The following CAMTA1 variants were observed in gnomAD, a reference collection of about 807,000 sequenced individuals.
CAMTA1 encodes the protein calmodulin-binding transcription activator 1.
In CAMTA1, 27 loss-of-function variants were observed where a neutral mutation model predicts 170.9. The observed-to-expected ratio is 0.16, with a 90% CI of 0.12 to 0.22. The LOEUF is 0.22. Among genes scored for constraint, CAMTA1 ranks in the 10% least tolerant of loss-of-function variants. The pLI, the probability that CAMTA1 is intolerant of heterozygous loss-of-function variation, is 1.00. For missense variants in CAMTA1, 1,619 were observed against 2,217.2 expected, an observed-to-expected ratio of 0.73 and a Z score of 5.42; for synonymous variants, 833 against 891.5, an observed-to-expected ratio of 0.93 and a Z score of 1.17.
intron 3 of CAMTA1, among the ~76,000 whole-genome samples, chr1:6,978,123 A>T (rs1693783273): frequency 6.6e-6 from 1 of 152,218 alleles, no homozygotes; most frequent in Non-Finnish European, 1.5e-5. Flanking sequence ...TAAAAAAAAT[A>T]GTTATAATAG....
At chr1:6,988,704 C>T (rs773393764) in intron 3 of CAMTA1, among the ~76,000 whole-genome samples, 10 of 152,028 alleles carry the variant, frequency 6.6e-5, no homozygotes, top group Admixed American at 2.6e-4. Flanking sequence ...TCCCGTCCAA[C>T]GGGTTGGGCC....
At chr1:6,864,802 C>T (rs1032583039) in intron 3 of CAMTA1, among the ~76,000 whole-genome samples, 3 of 152,090 alleles carry the variant, frequency 2.0e-5, no homozygotes, top group Non-Finnish European at 4.4e-5. Context: ...ACACTGTACC[C>T]CTGATGCTGG....
intron 3 of CAMTA1, among the ~76,000 whole-genome samples, chr1:6,900,159 A>C (rs1450040776): frequency 1.3e-5 from 2 of 152,234 alleles, no homozygotes; most frequent in African/African-American, 4.8e-5. Flanking sequence ...GAGATACTAA[A>C]CATATGCTGC....
rs1352006587 is a variant in CAMTA1, at chr1:6,951,619, G to T, written c.234+126409G>T. On this transcript the variant is annotated intron_variant, in intron 3 of 22. Transcript: ENST00000303635. ...CTCCAGCCCCCACAGACACTCAGGA[G>T]ACCCCAGTCTCCTCCTGGGTTCCAC... Among the ~76,000 whole-genome samples, 6 of 152,194 alleles carry T rather than the reference G, an allele frequency of 3.9e-5. No individual in the cohort carries two copies. The East Asian group carries it at 1.2e-3, about 29-fold the overall frequency.
At chr1:6,888,473 GTC>G (rs1474613820) in intron 3 of CAMTA1, among the ~76,000 whole-genome samples, 11 of 152,198 alleles carry the variant, frequency 7.2e-5, no homozygotes, top group African/African-American at 1.7e-4. Flanking sequence ...CATGAGTCAT[GTC>G]TCTGGAATAC....
chr1:7,440,175 C>T (rs1439496561), intron 5 of CAMTA1, among the ~76,000 whole-genome samples: 1 of 152,268 alleles, frequency 6.6e-6, no homozygotes, highest in Non-Finnish European at 1.5e-5. Flanking sequence ...GTGTCTTGGG[C>T]TCTGTGCCCA....
Position 7,736,946 on chromosome 1 carries a change from T to C in CAMTA1, c.3279T>C (p.Asp1093=). 6.2e-7 allele frequency: 1 copy of C among 1,613,374 alleles called. No individual in the cohort carries two copies. The highest frequency in any genetic ancestry group is 1.1e-5 in the South Asian group (1 of 90,826). ...TLIKWRTKHA[D]SIDLELEVDP... ...TCCCTTATAGTACAAAGCACGCGGA[T>C]AGCATTGACCTGGAACTGGAAGTTG... Residue 1093 remains aspartate, a synonymous_variant, in exon 14 of 23, where the codon GAT becomes GAC. Coordinates refer to ENST00000303635, the MANE Select transcript of CAMTA1 (RefSeq NM_015215.4). This position sits in a 1 kb window ranked among gnomAD's most constrained non-coding sequence, Gnocchi z 4.5.
At chr1:7,496,847 C>G (rs2149742933) in intron 6 of CAMTA1, among the ~76,000 whole-genome samples, 1 of 152,044 alleles carries the variant, frequency 6.6e-6, no homozygotes, top group South Asian at 2.1e-4. Context: ...AACACCACCT[C>G]CCAGGGCTGC....
intron 11 of CAMTA1, among the ~76,000 whole-genome samples, chr1:7,697,981 G>GCACT (rs2096394518): frequency 6.6e-6 from 1 of 151,486 alleles, no homozygotes; most frequent in African/African-American, 2.4e-5. Context: ...ACATGCAACT[G>GCACT]CACTCATGGG....
At position 7,663,474 on chromosome 1, in the gene CAMTA1, G is replaced by T; in HGVS notation, c.927G>T (p.Ser309=). 1.3e-6 allele frequency: 2 copies of T among 1,596,568 alleles called. No homozygotes were observed. Among genetic ancestry groups the T allele is most frequent in the African/African-American group, 1.3e-5 (1 of 74,750 alleles). ...CGGAGGTGCAGCACAATGACGTGTC[G>T]GAGGGCAAGCACGAGCACAGCCACA... ...SHSEVQHNDV[S]EGKHEHSHSK... Residue 309 remains serine (S), a synonymous_variant, in exon 9 of 23, where the codon TCG becomes TCT. Coordinates refer to ENST00000303635, the MANE Select transcript of CAMTA1 (RefSeq NM_015215.4).
intron 3 of CAMTA1, among the ~76,000 whole-genome samples, chr1:7,046,031 G>A (rs1177248637): frequency 6.8e-6 from 1 of 146,884 alleles, no homozygotes; most frequent in Non-Finnish European, 1.5e-5. Flanking sequence ...AAGGGCCTGG[G>A]ATTCTCCAGT....
intron 3 of CAMTA1, among the ~76,000 whole-genome samples, chr1:6,834,848 A>G (rs1199249747): frequency 6.6e-6 from 1 of 152,154 alleles, no homozygotes; most frequent in East Asian, 1.9e-4. Context: ...CATGTTGCCC[A>G]GGCTGGTCTT....
At chr1:6,968,669 G>A (rs1160259697) in intron 3 of CAMTA1, among the ~76,000 whole-genome samples, 1 of 152,040 alleles carries the variant, frequency 6.6e-6, no homozygotes, top group African/African-American at 2.4e-5. Context: ...ATCCATTCCC[G>A]GTGGGTCAGG....
chr1:7,169,286 G>A (rs1485362391), intron 4 of CAMTA1, among the ~76,000 whole-genome samples: 1 of 152,096 alleles, frequency 6.6e-6, no homozygotes, highest in Non-Finnish European at 1.5e-5. Context: ...TGTCAAACAT[G>A]AGTTTGAGGC....
At chr1:7,646,789 TAGTG>T (rs2095809451) in intron 7 of CAMTA1, among the ~76,000 whole-genome samples, 1 of 149,694 alleles carries the variant, frequency 6.7e-6, no homozygotes, top group Admixed American at 6.6e-5. Context: ...ATGGAGGCCC[TAGTG>T]AGTGTGAATG....
At chr1:6,962,022 C>T (rs1019412513) in intron 3 of CAMTA1, among the ~76,000 whole-genome samples, 2 of 152,220 alleles carry the variant, frequency 1.3e-5, no homozygotes, top group South Asian at 2.1e-4. Flanking sequence ...AAGCCAAGCC[C>T]CCTCAGCCTC....
chr1:6,816,651 A>T (rs929089224), intron 1 of CAMTA1, among the ~76,000 whole-genome samples: 2 of 152,140 alleles, frequency 1.3e-5, no homozygotes, highest in African/African-American at 4.8e-5. Context: ...TTTCCATTCC[A>T]CTGTGTTGTC....
intron 6 of CAMTA1, among the ~76,000 whole-genome samples, chr1:7,530,685 G>A (rs1290561930): frequency 6.6e-6 from 1 of 151,984 alleles, no homozygotes; most frequent in Admixed American, 6.6e-5. Flanking sequence ...CACACAGTAG[G>A]GACTCATCAC....
At chr1:7,742,308 T>G (rs896374809) in intron 16 of CAMTA1, among the ~76,000 whole-genome samples, 1 of 152,030 alleles carries the variant, frequency 6.6e-6, no homozygotes, top group South Asian at 2.1e-4. Flanking sequence ...CAAGTAGATA[T>G]GAAAAGCATA....
Sources: allele counts gnomAD v4.1 joint callset (sites outside exome capture counted in the v4.1 genomes callset), GRCh38; gene constraint gnomAD v4.1.1; non-coding constraint Gnocchi (gnomAD v3.1); transcripts MANE v1.5; gene names NCBI Gene and HGNC (gene_info 2026-07-23, HGNC 2026-07-21).